Variants in SCNN1G observed in about 807,000 individuals in gnomAD.
SCNN1G encodes the protein epithelial sodium channel subunit gamma.
SCNN1G carries 27 observed loss-of-function variants against 64.6 expected under a neutral mutation model. The ratio of observed to expected loss-of-function variants is 0.42; its 90% CI spans 0.31 to 0.58. The LOEUF is 0.58. SCNN1G is among the 20% of genes least tolerant of loss of function. The pLI is 0.18. For synonymous variants in SCNN1G, 330 were observed against 314.2 expected, an observed-to-expected ratio of 1.05 and a Z score of -0.53; for missense variants, 743 against 823.4, an observed-to-expected ratio of 0.90 and a Z score of 1.19.
At chr16:23,198,662 C>T (rs1399301377) in intron 6 of SCNN1G, among the ~76,000 whole-genome samples, 10 of 151,744 alleles carry the variant, frequency 6.6e-5, no homozygotes, top group Admixed American at 5.9e-4. Flanking sequence ...CACCTGACCT[C>T]AGGGAGGTCG....
At position 23,186,398 on chromosome 16, in the gene SCNN1G, C is replaced by G; in HGVS notation, c.127C>G (p.Arg43Gly). 6.2e-7 allele frequency: 1 copy of G among 1,614,252 alleles called. No homozygotes were observed. Among genetic ancestry groups the G allele is most frequent in the Non-Finnish European group, 8.5e-7 (1 of 1,180,048 alleles). Residue 43 changes from arginine to glycine, a missense_variant, in exon 2 of 13, where the codon CGC (arginine) becomes GGC (glycine). Physicochemically the swap from Arg to Gly is moderately radical, Grantham distance 125. Transcript: ENST00000300061. The part of the protein sequence containing the change: ...CLNTNTHGCR[R>G]IVVSRGRLRR... ...CAACACCAACACCCATGGCTGTCGCCGCATCGTGGTGTCCCGCGGCCGTCT... is the reference window on the plus strand; with the variant it reads ...CAACACCAACACCCATGGCTGTCGCGGCATCGTGGTGTCCCGCGGCCGTCT...
At chr16:23,184,193 C>G (rs1367311314) in intron 1 of SCNN1G, among the ~76,000 whole-genome samples, 1 of 143,086 alleles carries the variant, frequency 7.0e-6, no homozygotes, top group Admixed American at 7.5e-5. Flanking sequence ...CCTTCCTTCA[C>G]TTGGGGGCTC....
At chr16:23,207,421 A>G (rs1960008151) in intron 6 of SCNN1G, among the ~76,000 whole-genome samples, 1 of 152,200 alleles carries the variant, frequency 6.6e-6, no homozygotes, top group Admixed American at 6.5e-5. Context: ...ATGGCAAGGA[A>G]TTGTGACCTC....
chr16:23,209,709 G>C (rs747161475), intron 6 of SCNN1G, 41 bp from the exon 7 acceptor site: 7 of 1,479,060 alleles, frequency 4.7e-6, no homozygotes, highest in African/African-American at 2.8e-5. Flanking sequence ...GCCTGGGTCC[G>C]GGGGGAGGAC....
At chr16:23,190,386 G>A (rs1959688279) in intron 3 of SCNN1G, among the ~76,000 whole-genome samples, 1 of 150,494 alleles carries the variant, frequency 6.6e-6, no homozygotes, top group African/African-American at 2.4e-5. Context: ...GCAGAGTGGG[G>A]GTAAATGTAT....
rs72647505 is a variant in SCNN1G, at chr16:23,197,633, C to T, written c.1077+206C>T. 1.8e-3 allele frequency among the ~76,000 whole-genome samples: 272 copies of T among 152,270 alleles called. 1 individual carries two copies. Among genetic ancestry groups the T allele is most frequent in the African/African-American group, 5.9e-3 (246 of 41,540 alleles). On this transcript the variant is annotated intron_variant, in intron 6 of 12. Transcript: ENST00000300061. The stretch of plus-strand genomic sequence containing the variant: ...TCTGGCCGGCTGCAGTGGCTCACAC[C>T]TGTAATCCTAGCACTTCAGGAGACC...
At chr16:23,213,056 A>C in intron 10 of SCNN1G, 46 bp from the exon 11 acceptor site, 1 of 1,579,580 alleles carries the variant, frequency 6.3e-7, no homozygotes, top group Non-Finnish European at 8.7e-7. Flanking sequence ...GGCTGGCCCT[A>C]GCCTCTCAGG....
intron 11 of SCNN1G, among the ~76,000 whole-genome samples, chr16:23,214,486 A>G (rs994764137): frequency 1.1e-4 from 16 of 152,200 alleles, no homozygotes; most frequent in Non-Finnish European, 1.8e-4. Context: ...TTAATCTGGA[A>G]GTTGGGGAGC....
chr16:23,200,121 C>G (rs1959865427), intron 6 of SCNN1G, among the ~76,000 whole-genome samples: 1 of 152,172 alleles, frequency 6.6e-6, no homozygotes. Context: ...AACATATCCT[C>G]CAGAGAAGTG....
chr16:23,214,800 G>A lies in SCNN1G; in HGVS notation c.1569+13G>A. The A allele has an allele frequency of 6.2e-7, 1 of 1,606,702 alleles. No homozygotes were observed. The highest frequency in any genetic ancestry group is 8.5e-7 in the Non-Finnish European group (1 of 1,173,316). On this transcript the variant is annotated intron_variant, in intron 12 of 12. Coordinates refer to ENST00000300061, the MANE Select transcript of SCNN1G (RefSeq NM_001039.4). The stretch of plus-strand genomic sequence containing the variant: ...CCCAGCCAACAGTGTGAGTAGAGTG[G>A]CTTCCTTCCAGGACCTGTCCTGGGC...
Position 23,212,020 on chromosome 16 carries a change from G to C in SCNN1G, c.1177-14G>C. 6.4e-7 allele frequency: 1 copy of C among 1,560,068 alleles called. No homozygotes were observed. The highest frequency in any genetic ancestry group is 8.8e-7 in the Non-Finnish European group (1 of 1,130,820). On this transcript the variant is annotated splice_polypyrimidine_tract_variant and intron_variant, in intron 7 of 12. Coordinates refer to ENST00000300061, the MANE Select transcript of SCNN1G (RefSeq NM_001039.4). ...GCAAAGACATGAATGGCATTCCTGG[G>C]TCTCCTCTTTCAGATCTGCCTTCAT...
In SCNN1G at chr16:23,194,102, C is replaced by T. The variant is rs1021571951; in HGVS notation, c.810-69C>T. ...CCAAAGAGAGTTGGCTCCATTAGCA[C>T]TGCCCTGCCCAACTTCAGCTAAGAT... On this transcript the variant is annotated intron_variant, in intron 4 of 12. Coordinates refer to ENST00000300061, the MANE Select transcript of SCNN1G (RefSeq NM_001039.4). The T allele has an allele frequency of 1.5e-5, 16 of 1,051,996 alleles. No individual in the cohort carries two copies. In the African/African-American group the frequency reaches 2.3e-4, roughly 15 times the overall value. The allele number at this position is 1,051,996 out of a possible 1,614,324, so 65.2% of individuals were successfully genotyped here.
intron 7 of SCNN1G, 54 bp from the exon 8 acceptor site, chr16:23,211,980 C>G: frequency 7.5e-7 from 1 of 1,330,434 alleles, no homozygotes; most frequent in Non-Finnish European, 1.1e-6. Flanking sequence ...GCAGGAAACT[C>G]CCTGACATCC....
At chr16:23,188,708 T>G (rs976244641) in intron 2 of SCNN1G, among the ~76,000 whole-genome samples, 2 of 152,142 alleles carry the variant, frequency 1.3e-5, no homozygotes, top group African/African-American at 4.8e-5. Flanking sequence ...CTCAGGTAAT[T>G]TGGCTAAACC....
At chr16:23,201,863 G>T (rs1426315302) in intron 6 of SCNN1G, among the ~76,000 whole-genome samples, 13 of 152,202 alleles carry the variant, frequency 8.5e-5, no homozygotes, top group Admixed American at 7.9e-4. Context: ...CAGCTGGAGT[G>T]CAGTGGTGTG....
intron 1 of SCNN1G, among the ~76,000 whole-genome samples, chr16:23,183,344 GCAGGAGCTCGGGTCA>G (rs1959552982): frequency 6.6e-6 from 1 of 152,192 alleles, no homozygotes; most frequent in Admixed American, 6.5e-5. Context: ...GGGTCGCTCG[GCAGGAGCTCGGGTCA>G]GGGCCCTGAG....
intron 2 of SCNN1G, 57 bp from the exon 3 acceptor site, chr16:23,189,314 C>T (rs1959664743): frequency 6.4e-7 from 1 of 1,564,214 alleles, no homozygotes; most frequent in African/African-American, 1.4e-5. Context: ...GGAGGAGCAC[C>T]AGAGTTCTGC....
At position 23,192,407 on chromosome 16, in the gene SCNN1G, C is replaced by A. The variant is rs998972107; in HGVS notation, c.674C>A (p.Ala225Asp). ...TACACCTTCAGCTCGGGAATCAATG[C>A]CATTCAGGAGTGGTATAAGCTACAC... The part of the protein sequence containing the change: ...ATYTFSSGIN[A>D]IQEWYKLHYM... The change falls in exon 4 of 13, where the codon GCC becomes GAC. Residue 225 changes from alanine (A) to aspartate (D), a missense_variant. Physicochemically the swap from Ala to Asp is moderately radical, Grantham distance 126. Coordinates refer to ENST00000300061, the MANE Select transcript of SCNN1G (RefSeq NM_001039.4). The A allele has an allele frequency of 1.9e-6, 3 of 1,613,930 alleles. No homozygotes were observed. In the African/African-American group the frequency reaches 4.0e-5, roughly 22 times the overall value.
rs1032766775 is a variant in SCNN1G, at chr16:23,215,296, A to G, written c.1777A>G (p.Asn593Asp). 5.6e-6 allele frequency: 9 copies of G among 1,614,142 alleles called. No individual in the cohort carries two copies. The highest frequency in any genetic ancestry group is 7.6e-6 in the Non-Finnish European group (9 of 1,179,990). Residue 593 changes from asparagine (N) to aspartate (D), a missense_variant, in exon 13 of 13, where the codon AAT (asparagine) becomes GAT (aspartate). Transcript: ENST00000300061. The part of the protein sequence containing the change: ...EAPRSPQGQD[N>D]PALDIDDDLP... ...TCCCCGTAGCCCACAGGGCCAGGAC[A>G]ATCCAGCCCTGGATATAGACGATGA... is the stretch of plus-strand genomic sequence containing the variant.
Sources: allele counts gnomAD v4.1 joint callset (sites outside exome capture counted in the v4.1 genomes callset), GRCh38; gene constraint gnomAD v4.1.1; transcripts MANE v1.5; gene names NCBI Gene and HGNC (gene_info 2026-07-23, HGNC 2026-07-21).